Variants in COL26A1 observed in about 807,000 individuals in gnomAD.
COL26A1 encodes the protein collagen alpha-1(XXVI) chain.
Under a neutral mutation model 59.3 loss-of-function variants are expected in COL26A1, and 41 were observed. The observed-to-expected ratio is 0.69, with a 90% CI of 0.54 to 0.90. COL26A1 has a LOEUF of 0.90. Ranked by LOEUF, COL26A1 falls within the 40% of genes least tolerant of loss-of-function variation. COL26A1 has a pLI of 0.00. For missense variants in COL26A1, 612 were observed against 602.3 expected, an observed-to-expected ratio of 1.02 and a Z score of -0.17; for synonymous variants, 266 against 256.0, an observed-to-expected ratio of 1.04 and a Z score of -0.37.
chr7:101,451,175 T>C (rs149010868), intron 3 of COL26A1, among the ~76,000 whole-genome samples: 2,302 of 142,608 alleles, frequency 0.016, 21 homozygotes, highest in Non-Finnish European at 0.025. Context: ...ATATATGTAA[T>C]ATATATCTCA....
intron 4 of COL26A1, among the ~76,000 whole-genome samples, chr7:101,535,961 T>C (rs1209333265): frequency 6.6e-6 from 1 of 152,082 alleles, no homozygotes; most frequent in Admixed American, 6.6e-5. Context: ...TCCCCCGTCT[T>C]GTCTGGAGCA....
chr7:101,508,828 T>C (rs969485603), intron 3 of COL26A1, among the ~76,000 whole-genome samples: 19 of 152,100 alleles, frequency 1.2e-4, no homozygotes, highest in Non-Finnish European at 2.8e-4. Flanking sequence ...GTTCGTTTTG[T>C]GTTGCTATAA....
chr7:101,546,926 T>C (rs545814975), intron 7 of COL26A1, among the ~76,000 whole-genome samples: 1 of 152,096 alleles, frequency 6.6e-6, no homozygotes, highest in South Asian at 2.1e-4. Context: ...CTAGAAGGTA[T>C]TTATGTTTTA....
chr7:101,518,074 A>C (rs1795068230), intron 3 of COL26A1, among the ~76,000 whole-genome samples: 1 of 152,042 alleles, frequency 6.6e-6, no homozygotes. Context: ...TCTACCTCCC[A>C]AAGTACTGGG....
intron 3 of COL26A1, among the ~76,000 whole-genome samples, chr7:101,506,254 A>G (rs1249062079): frequency 1.3e-5 from 2 of 152,230 alleles, no homozygotes; most frequent in Non-Finnish European, 2.9e-5. Context: ...TGGAATCCCT[A>G]CTGTCACTGG....
At chr7:101,378,177 C>T (rs555046836) in intron 1 of COL26A1, among the ~76,000 whole-genome samples, 9 of 152,092 alleles carry the variant, frequency 5.9e-5, no homozygotes, top group Admixed American at 3.9e-4. Flanking sequence ...GTAAGGAGTT[C>T]GAGACCAGCC....
rs71106515 is a variant in COL26A1 at position 101,386,257 on chromosome 7, G to GTTT, written c.158+23088_158+23090dup. On this transcript the variant is annotated intron_variant, in intron 1 of 12. Transcript: ENST00000313669. ...GCCTCCTCTGGTCCTGTCCTAGCTTGTTTTTTTTTTTTTTTTTTTTTTTAA... is the reference window on the plus strand; with the variant it reads ...GCCTCCTCTGGTCCTGTCCTAGCTTGTTTTTTTTTTTTTTTTTTTTTTTTTTAA... 3.7e-3 allele frequency among the ~76,000 whole-genome samples: 431 copies of GTTT among 117,618 alleles called. 2 individuals are homozygous for GTTT. The highest frequency in any genetic ancestry group is 0.013 in the African/African-American group (379 of 30,212). 77.2% of individuals were successfully genotyped at this position (117,618 alleles called of 152,430 possible). A position where few individuals can be genotyped will look rare whatever the true frequency, so the allele number is the denominator to read the frequency against.
chr7:101,466,837 TGAGA>T (rs1554416674), intron 3 of COL26A1, among the ~76,000 whole-genome samples: 3 of 122,638 alleles, frequency 2.4e-5, no homozygotes, highest in African/African-American at 9.6e-5. Flanking sequence ...TGTGTGTGTG[TGAGA>T]GAGAGAGATT....
chr7:101,511,310 C>T (rs986928987), intron 3 of COL26A1, among the ~76,000 whole-genome samples: 6 of 152,186 alleles, frequency 3.9e-5, no homozygotes, highest in African/African-American at 7.2e-5. Context: ...CACACCAAAC[C>T]CTTTAGAAGG....
At chr7:101,545,078 G>A (rs1795702575) in intron 6 of COL26A1, among the ~76,000 whole-genome samples, 1 of 152,130 alleles carries the variant, frequency 6.6e-6, no homozygotes, top group South Asian at 2.1e-4. Context: ...CAGAGCCTTT[G>A]CTGATTTCAC....
chr7:101,550,018 G>A (rs1046125309), intron 9 of COL26A1, among the ~76,000 whole-genome samples: 1 of 152,238 alleles, frequency 6.6e-6, no homozygotes, highest in African/African-American at 2.4e-5. Flanking sequence ...AAGGCTGGCA[G>A]GTAGTGAGCA....
intron 2 of COL26A1, among the ~76,000 whole-genome samples, chr7:101,441,029 A>C (rs959588487): frequency 6.6e-6 from 1 of 151,970 alleles, no homozygotes; most frequent in Non-Finnish European, 1.5e-5. Flanking sequence ...GCATCTCCAG[A>C]GGGATGAGCT....
intron 11 of COL26A1, among the ~76,000 whole-genome samples, chr7:101,553,694 C>T (rs542351143): frequency 3.5e-4 from 54 of 152,244 alleles, no homozygotes; most frequent in Admixed American, 2.0e-3. Flanking sequence ...CTGGAGGAGG[C>T]GTCAGGCTGC....
At chr7:101,398,984 T>A (rs775399037) in intron 1 of COL26A1, among the ~76,000 whole-genome samples, 7 of 151,992 alleles carry the variant, frequency 4.6e-5, no homozygotes, top group Non-Finnish European at 7.4e-5. Flanking sequence ...AGCTTTAAAA[T>A]ACTCAGTGTG....
At chr7:101,520,633 T>TATACACACACACACACAC (rs1452059213) in intron 3 of COL26A1, among the ~76,000 whole-genome samples, 33 of 137,294 alleles carry the variant, frequency 2.4e-4, no homozygotes, top group African/African-American at 7.6e-4. Flanking sequence ...CACAGACACA[T>TATACACACACACACACAC]ACACACACAC....
intron 1 of COL26A1, among the ~76,000 whole-genome samples, chr7:101,379,137 CT>C (rs1460047169): frequency 6.6e-6 from 1 of 152,130 alleles, no homozygotes; most frequent in Non-Finnish European, 1.5e-5. Flanking sequence ...TCCTGGCCTC[CT>C]TTGATTGACT....
intron 2 of COL26A1, among the ~76,000 whole-genome samples, chr7:101,432,557 C>T (rs1584402549): frequency 1.3e-5 from 2 of 152,200 alleles, no homozygotes; most frequent in South Asian, 2.1e-4. Context: ...GGCAGCTGTG[C>T]TTTGGCTGAG....
At chr7:101,448,220 C>T (rs780024678) in intron 3 of COL26A1, among the ~76,000 whole-genome samples, 12 of 152,210 alleles carry the variant, frequency 7.9e-5, no homozygotes, top group East Asian at 1.9e-4. Context: ...AGAAGCTGAC[C>T]GGTAGCTGCA....
intron 3 of COL26A1, among the ~76,000 whole-genome samples, chr7:101,477,008 T>C (rs1362515570): frequency 6.6e-6 from 1 of 151,852 alleles, no homozygotes; most frequent in East Asian, 1.9e-4. Flanking sequence ...CACGCCCGGC[T>C]AAGTTTTGTA....
Sources: gnomAD v4.1 joint callset for allele counts (sites outside exome capture counted in the v4.1 genomes callset) on GRCh38, gnomAD v4.1.1 for gene constraint, MANE v1.5 for transcripts, NCBI Gene and HGNC (gene_info 2026-07-23, HGNC 2026-07-21) for gene names.